The following CADM2 variants were observed in gnomAD, a reference collection of about 807,000 sequenced individuals.
CADM2 encodes cell adhesion molecule 2.
CADM2 carries 12 observed loss-of-function variants against 49.8 expected under a neutral mutation model. That is an observed-to-expected ratio of 0.24 (90% CI 0.15 to 0.39). CADM2 has a LOEUF of 0.39. Among genes scored for constraint, CADM2 ranks in the 10% least tolerant of loss-of-function variants. CADM2 has a pLI of 1.00. For missense variants in CADM2, 378 were observed against 492.3 expected (o/e 0.77, Z 2.20); for synonymous variants, 214 against 175.4 (o/e 1.22, Z -1.74).
At chr3:85,769,920 G>T (rs2069984793) in intron 2 of CADM2, among the ~76,000 whole-genome samples, 1 of 151,910 alleles carries the variant, frequency 6.6e-6, no homozygotes, top group African/African-American at 2.4e-5. Context: ...ACATAAAACA[G>T]TGATGGCTCA....
intron 1 of CADM2, among the ~76,000 whole-genome samples, chr3:84,963,861 T>A (rs948488438): frequency 6.6e-6 from 1 of 152,182 alleles, no homozygotes; most frequent in Non-Finnish European, 1.5e-5. Context: ...TCATTTCTTA[T>A]GCCAAATGCA....
intron 1 of CADM2, among the ~76,000 whole-genome samples, chr3:85,597,808 G>T (rs1485841559): frequency 6.6e-6 from 1 of 151,956 alleles, no homozygotes; most frequent in Non-Finnish European, 1.5e-5. Context: ...GATGAAAATG[G>T]TACAAACCTA....
intron 8 of CADM2, chr3:86,014,267 T>G (rs939522647): frequency 2.3e-6 from 3 of 1,323,920 alleles, no homozygotes; most frequent in Non-Finnish European, 3.1e-6. Flanking sequence ...TAACAGATTT[T>G]GATTTCATTG....
chr3:85,418,865 T>C lies in CADM2; in HGVS notation c.62-307657T>C, dbSNP rs1009070009. Among the ~76,000 whole-genome samples, 4 of 152,322 alleles carry C rather than the reference T, an allele frequency of 2.6e-5. No homozygotes were observed. In the East Asian group the frequency reaches 7.7e-4, roughly 29 times the overall value. ...AGTGAAGATAGTAACCATTTAATTA[T>C]AGTAGTTAAATGGAATTTATCCATC... On this transcript the variant is annotated intron_variant, in intron 1 of 9. Transcript: ENST00000383699.
intron 1 of CADM2, among the ~76,000 whole-genome samples, chr3:85,370,215 AAATAATAATAAT>A (rs142588684): frequency 6.9e-4 from 93 of 135,166 alleles, no homozygotes; most frequent in African/African-American, 1.1e-3. Context: ...CTCCTTTTCA[AAATAATAATAAT>A]AATAATAATA....
intron 3 of CADM2, among the ~76,000 whole-genome samples, chr3:85,875,801 G>C (rs1306677474): frequency 6.6e-6 from 1 of 152,136 alleles, no homozygotes; most frequent in Non-Finnish European, 1.5e-5. Flanking sequence ...GTGTTTGTGT[G>C]GGTAACCTTA....
At chr3:85,345,313 C>CAA (rs3085180) in intron 1 of CADM2, among the ~76,000 whole-genome samples, 14,453 of 47,144 alleles carry the variant, frequency 0.31, 3,538 homozygotes, top group Non-Finnish European at 0.37. Flanking sequence ...GTCTCCATCT[C>CAA]AAAAAAAAAA....
chr3:85,634,560 CA>C (rs1211447274), intron 1 of CADM2, among the ~76,000 whole-genome samples: 2 of 151,952 alleles, frequency 1.3e-5, no homozygotes, highest in African/African-American at 4.8e-5. Flanking sequence ...CAATTTCTGT[CA>C]AATCAAAGTT....
chr3:85,559,134 A>T (rs1198912697), intron 1 of CADM2, among the ~76,000 whole-genome samples: 1 of 152,002 alleles, frequency 6.6e-6, no homozygotes, highest in Non-Finnish European at 1.5e-5. Flanking sequence ...CTCTCCATTT[A>T]TTTAATTATC....
chr3:85,678,438 C>T (rs78424996), intron 1 of CADM2, among the ~76,000 whole-genome samples: 1 of 152,100 alleles, frequency 6.6e-6, no homozygotes, highest in Non-Finnish European at 1.5e-5. Context: ...ATCCTGAGTG[C>T]CAACTGGTCT....
chr3:85,045,544 G>A (rs188556691), intron 1 of CADM2, among the ~76,000 whole-genome samples: 36 of 152,120 alleles, frequency 2.4e-4, no homozygotes, highest in Admixed American at 2.2e-3. Context: ...TCTCAGGGTT[G>A]GATAGATTTT....
At chr3:85,350,373 C>A (rs1478106789) in intron 1 of CADM2, among the ~76,000 whole-genome samples, 1 of 151,790 alleles carries the variant, frequency 6.6e-6, no homozygotes, top group African/African-American at 2.4e-5. Context: ...ATATTTGTAC[C>A]ATGATTTATT....
At chr3:86,066,592 A>T in intron 9 of CADM2, 73 bp from the exon 10 acceptor site, 2 of 1,158,644 alleles carry the variant, frequency 1.7e-6, no homozygotes, top group Non-Finnish European at 2.6e-6. Context: ...TTTCTTCCTA[A>T]ATAATGTAGC....
chr3:85,470,228 T>A (rs1159368192), intron 1 of CADM2, among the ~76,000 whole-genome samples: 1 of 152,154 alleles, frequency 6.6e-6, no homozygotes, highest in Non-Finnish European at 1.5e-5. Flanking sequence ...TATATTCTCA[T>A]AATCAAATAA....
chr3:85,965,119 C>T (rs1725308290), intron 8 of CADM2, among the ~76,000 whole-genome samples: 1 of 151,280 alleles, frequency 6.6e-6, no homozygotes, highest in South Asian at 2.1e-4. Flanking sequence ...ATAAGCTAAG[C>T]ATTTAGATAA....
At chr3:85,397,096 A>G (rs760760695) in intron 1 of CADM2, among the ~76,000 whole-genome samples, 1 of 152,130 alleles carries the variant, frequency 6.6e-6, no homozygotes, top group Non-Finnish European at 1.5e-5. Context: ...AATGGGAAAA[A>G]GACTTTAAAG....
At chr3:85,646,410 C>T (rs1000509243) in intron 1 of CADM2, among the ~76,000 whole-genome samples, 17 of 151,962 alleles carry the variant, frequency 1.1e-4, no homozygotes, top group African/African-American at 4.1e-4. Context: ...AGCACAAAAA[C>T]TGACTTCAAG....
chr3:85,619,369 TGGG>T (rs1325612972), intron 1 of CADM2, among the ~76,000 whole-genome samples: 3 of 149,404 alleles, frequency 2.0e-5, no homozygotes, highest in East Asian at 2.0e-4. Flanking sequence ...AAAAAGGAAA[TGGG>T]GGGACAGAAT....
At chr3:86,043,249 G>A (rs577654026) in intron 8 of CADM2, among the ~76,000 whole-genome samples, 5 of 152,268 alleles carry the variant, frequency 3.3e-5, no homozygotes, top group Admixed American at 2.6e-4. Context: ...GCAGGAGAAA[G>A]AAATGAAGGG....
Sources: allele counts gnomAD v4.1 joint callset (sites outside exome capture counted in the v4.1 genomes callset), GRCh38; gene constraint gnomAD v4.1.1; transcripts MANE v1.5; gene names NCBI Gene and HGNC (gene_info 2026-07-23, HGNC 2026-07-21).